Variants in TMEM131 observed in about 807,000 individuals in gnomAD.
TMEM131 encodes 2610524E03Rik.
In TMEM131, 66 loss-of-function variants were observed where a neutral mutation model predicts 211.6. The ratio of observed to expected loss-of-function variants is 0.31; its 90% confidence interval spans 0.26 to 0.38. The LOEUF (loss-of-function observed/expected upper bound fraction) is 0.38, where lower values mean the gene tolerates loss of function less well. TMEM131 is among the 10% of genes least tolerant of loss of function. The pLI, the probability that TMEM131 is intolerant of heterozygous loss-of-function variation, is 1.00. For missense variants in TMEM131, 2,036 were observed against 2,299.3 expected (o/e 0.89, Z 2.34); for synonymous variants, 844 against 841.3 (o/e 1.00, Z -0.06).
chr2:97,814,031 T>C lies in TMEM131; in HGVS notation c.1557A>G (p.Leu519=). Reference sequence around the variant, plus strand: ...GAAATTTAGAAGCATTGGTAATAAGTAAAATGTTGTTATCAATGTGCATGG... The same window carrying C: ...GAAATTTAGAAGCATTGGTAATAAGCAAAATGTTGTTATCAATGTGCATGG... The part of the protein sequence containing the change: ...TSSMHIDNNI[L]LITNASKFHL... Residue 519 remains leucine, a synonymous_variant, in exon 15 of 41, where the codon TTA becomes TTG. Coordinates refer to ENST00000186436, the MANE Select transcript of TMEM131 (RefSeq NM_015348.2). 1 of 1,601,004 alleles carries C rather than the reference T, an allele frequency of 6.2e-7. No individual in the cohort carries two copies. Among genetic ancestry groups the C allele is most frequent in the South Asian group, 1.1e-5 (1 of 89,174 alleles).
chr2:97,822,321 G>A (rs1374131332), intron 11 of TMEM131, among the ~76,000 whole-genome samples: 1 of 152,108 alleles, frequency 6.6e-6, no homozygotes, highest in East Asian at 1.9e-4. Flanking sequence ...CCTAACAAAA[G>A]CTATTCCTGA....
At chr2:97,773,442 C>A (rs948284634) in intron 32 of TMEM131, among the ~76,000 whole-genome samples, 4 of 152,182 alleles carry the variant, frequency 2.6e-5, no homozygotes, top group African/African-American at 7.2e-5. Context: ...GAAGGGCTGT[C>A]CTGCCCGCTA....
chr2:97,758,632 G>A (rs1203767121), intron 40 of TMEM131, among the ~76,000 whole-genome samples: 1 of 152,240 alleles, frequency 6.6e-6, no homozygotes, highest in Non-Finnish European at 1.5e-5. Flanking sequence ...GAGCTATTAG[G>A]AGGGACTCCA....
At chr2:97,994,486 G>A (rs539594312) in intron 1 of TMEM131, among the ~76,000 whole-genome samples, 3 of 152,322 alleles carry the variant, frequency 2.0e-5, no homozygotes, top group East Asian at 1.9e-4. Flanking sequence ...TAAAAAGCAA[G>A]TGACTTTAGT....
intron 4 of TMEM131, among the ~76,000 whole-genome samples, chr2:97,860,000 C>T (rs1674002262): frequency 6.6e-6 from 1 of 152,222 alleles, no homozygotes; most frequent in African/African-American, 2.4e-5. Context: ...TGAACTGCCT[C>T]TTGTCAAACC....
rs1573353765 is a variant in TMEM131, at chr2:97,783,316, G to C, written c.4145-7298C>G. On this transcript the variant is annotated intron_variant, in intron 31 of 40. Transcript: ENST00000186436. ...TACCCTAAAAAAATGGCTGAAGGAAGTTACCAAAACAGAAAGGAAATGATA... is the reference window on the plus strand; with the variant it reads ...TACCCTAAAAAAATGGCTGAAGGAACTTACCAAAACAGAAAGGAAATGATA... Among the ~76,000 whole-genome samples, 3 of 152,150 alleles carry C rather than the reference G, an allele frequency of 2.0e-5. No homozygotes were observed. The South Asian group carries it at 6.2e-4, about 32-fold the overall frequency.
intron 1 of TMEM131, among the ~76,000 whole-genome samples, chr2:97,993,735 A>T (rs146709534): frequency 2.1e-4 from 32 of 152,358 alleles, no homozygotes; most frequent in African/African-American, 7.0e-4. Flanking sequence ...ACACACATTT[A>T]TGGGTATTAG....
In TMEM131 at chr2:97,995,795, G is replaced by A. The variant is rs955256914; in HGVS notation, c.-133C>T. On this transcript the variant is annotated 5_prime_UTR_variant, in exon 1 of 41. Coordinates refer to ENST00000186436, the MANE Select transcript of TMEM131 (RefSeq NM_015348.2). ...GACAACGGTTGCGAGCCCGGGGCTC[G>A]ATCTCCGAGCGTGGGCCTGGGTCCG... The A allele has an allele frequency of 3.6e-6, 2 of 553,942 alleles. No homozygotes were observed. The highest frequency in any genetic ancestry group is 5.0e-6 in the Non-Finnish European group (2 of 402,014). The allele number at this position is 553,942 out of a possible 1,614,324, so 34.3% of individuals were successfully genotyped here.
rs572452217 is a variant in TMEM131, at chr2:97,776,998, T to G, written c.4145-980A>C. 3.9e-5 allele frequency among the ~76,000 whole-genome samples: 6 copies of G among 152,334 alleles called. No homozygotes were observed. In the East Asian group the frequency reaches 1.2e-3, roughly 29 times the overall value. On this transcript the variant is annotated intron_variant, in intron 31 of 40. Transcript: ENST00000186436. Reference sequence around the variant, plus strand: ...TAAAATGGACATACGGAAAGCCAACTACTTGGAAAAATCTGGATGCTATCA... The same window carrying G: ...TAAAATGGACATACGGAAAGCCAACGACTTGGAAAAATCTGGATGCTATCA...
At chr2:97,946,807 A>G (rs1423330136) in intron 1 of TMEM131, among the ~76,000 whole-genome samples, 2 of 152,046 alleles carry the variant, frequency 1.3e-5, no homozygotes, top group African/African-American at 4.8e-5. Flanking sequence ...ACATCTTATT[A>G]CAGATGCAAA....
intron 4 of TMEM131, among the ~76,000 whole-genome samples, chr2:97,860,969 A>T (rs1674041585): frequency 6.6e-6 from 1 of 152,122 alleles, no homozygotes; most frequent in Non-Finnish European, 1.5e-5. Context: ...GCACAGAGAG[A>T]GAGTCTGTGC....
At chr2:97,778,608 A>G (rs578160019) in intron 31 of TMEM131, among the ~76,000 whole-genome samples, 1 of 152,290 alleles carries the variant, frequency 6.6e-6, no homozygotes, top group South Asian at 2.1e-4. Flanking sequence ...TCTTAAAATC[A>G]TCACCTTATT....
chr2:97,965,992 A>G (rs1679038459), intron 1 of TMEM131, among the ~76,000 whole-genome samples: 3 of 152,128 alleles, frequency 2.0e-5, no homozygotes, highest in Admixed American at 1.3e-4. Flanking sequence ...AGAGAAAGTA[A>G]GCAAAGCCTA....
chr2:97,793,493 T>A lies in TMEM131; in HGVS notation c.3447A>T (p.Pro1149=), dbSNP rs1485239206. ...CCTCAAAGGATAGCCGCCTTCGAAA[T>A]GGCTCCCATATTCCTTGAGCTTCCA... ...AYLEAQGIWE[P]FRRRLSFEAS... The change falls in exon 30 of 41, where the codon CCA becomes CCT. Residue 1149 remains proline (P), a synonymous_variant. Coordinates refer to ENST00000186436, the MANE Select transcript of TMEM131 (RefSeq NM_015348.2). 1 of 1,613,952 alleles carries A rather than the reference T, an allele frequency of 6.2e-7. No homozygotes were observed. The highest frequency in any genetic ancestry group is 1.3e-5 in the African/African-American group (1 of 75,032).
intron 3 of TMEM131, among the ~76,000 whole-genome samples, chr2:97,902,961 C>T (rs886135328): frequency 2.0e-5 from 3 of 152,110 alleles, no homozygotes; most frequent in African/African-American, 2.4e-5. Context: ...AGCTTGCAGA[C>T]GGCCTATTGT....
chr2:97,884,931 T>C (rs930853041), intron 4 of TMEM131, among the ~76,000 whole-genome samples: 13 of 152,230 alleles, frequency 8.5e-5, no homozygotes, highest in Admixed American at 2.6e-4. Context: ...AGGTAAAGAC[T>C]TGTTCCTGTC....
chr2:97,927,498 A>C lies in TMEM131; in HGVS notation c.188-11T>G, dbSNP rs527754912. Reference sequence around the variant, plus strand: ...CTGACTGAACGAATGCTGTGAAGAAAACAAAACATACCATCACTTACAGGA... The same window carrying C: ...CTGACTGAACGAATGCTGTGAAGAACACAAAACATACCATCACTTACAGGA... On this transcript the variant is annotated splice_polypyrimidine_tract_variant and intron_variant, in intron 1 of 40. Transcript: ENST00000186436. 7.7e-4 allele frequency: 1,201 copies of C among 1,556,040 alleles called. 23 individuals are homozygous for C. The South Asian group carries it at 0.015, about 19-fold the overall frequency.
At position 97,911,546 on chromosome 2, in the gene TMEM131, T is replaced by C. The variant is rs1056902895; in HGVS notation, c.250-2848A>G. 2.2e-5 allele frequency: 17 copies of C among 776,114 alleles called. No individual in the cohort carries two copies. In the African/African-American group the frequency reaches 3.2e-4, roughly 15 times the overall value. 48.1% of individuals were successfully genotyped at this position (776,114 alleles called of 1,614,324 possible). Reference sequence around the variant, plus strand: ...GAACTCAGGACGTGTATCACTCATGTGCACTTTCTTGAGGAGAAAAAAATT... The same window carrying C: ...GAACTCAGGACGTGTATCACTCATGCGCACTTTCTTGAGGAGAAAAAAATT... On this transcript the variant is annotated intron_variant, in intron 2 of 40. Transcript: ENST00000186436.
At chr2:97,846,339 C>G (rs1354399780) in intron 5 of TMEM131, among the ~76,000 whole-genome samples, 1 of 152,130 alleles carries the variant, frequency 6.6e-6, no homozygotes, top group African/African-American at 2.4e-5. Flanking sequence ...AAACGGGCAA[C>G]ACATCATGAG....
Sources: gnomAD v4.1 joint callset for allele counts (sites outside exome capture counted in the v4.1 genomes callset) on GRCh38, gnomAD v4.1.1 for gene constraint, MANE v1.5 for transcripts, NCBI Gene and HGNC (gene_info 2026-07-23, HGNC 2026-07-21) for gene names.